Variants in EDA observed in about 807,000 individuals in gnomAD.
EDA encodes the protein ectodysplasin A.
EDA carries 2 observed loss-of-function variants against 23.6 expected under a neutral mutation model. The observed-to-expected ratio is 0.08, with a 90% CI of 0.03 to 0.27. EDA has a LOEUF of 0.27. Among genes scored for constraint, EDA ranks in the 10% least tolerant of loss-of-function variants. EDA has a pLI of 1.00. For synonymous variants in EDA, 131 were observed against 132.0 expected (o/e 0.99, Z 0.05); for missense variants, 229 against 324.2 (o/e 0.71, Z 2.26).
At chrX:69,630,790 T>A (rs1220766813) in intron 1 of EDA, among the ~76,000 whole-genome samples, 1 of 111,998 alleles carries the variant, frequency 8.9e-6, no homozygotes, top group Non-Finnish European at 1.9e-5. Context: ...TTTTTTCAAA[T>A]CGTGCTTTTA....
intron 1 of EDA, among the ~76,000 whole-genome samples, chrX:69,625,819 G>A (rs1282010783): frequency 6.5e-5 from 7 of 107,098 alleles, no homozygotes; most frequent in African/African-American, 1.0e-4. Flanking sequence ...GAAATGAACC[G>A]TTTTGGAAAG....
chrX:69,755,858 C>T (rs1332992740), intron 1 of EDA, among the ~76,000 whole-genome samples: 4 of 112,689 alleles, frequency 3.5e-5, no homozygotes, highest in Admixed American at 1.9e-4. Flanking sequence ...TGGGACCCTC[C>T]GAGCCAGGCA....
At chrX:69,791,156 G>T (rs2015395016) in intron 1 of EDA, among the ~76,000 whole-genome samples, 1 of 111,544 alleles carries the variant, frequency 9.0e-6, no homozygotes, top group Admixed American at 9.5e-5. Context: ...TCAATTCATG[G>T]TCATTTTTTA....
At chrX:69,642,536 C>A (rs1391986516) in intron 1 of EDA, among the ~76,000 whole-genome samples, 2 of 110,593 alleles carry the variant, frequency 1.8e-5, no homozygotes, top group Non-Finnish European at 3.8e-5. Context: ...ATAAAAATGA[C>A]AAAACATTTA....
intron 1 of EDA, among the ~76,000 whole-genome samples, chrX:69,880,388 A>G (rs952172616): frequency 2.7e-5 from 3 of 112,264 alleles, no homozygotes; most frequent in Non-Finnish European, 5.6e-5. Context: ...AGAGAAGGAC[A>G]TGCTTAACAA....
At chrX:70,031,450 A>G in intron 6 of EDA, among the ~76,000 whole-genome samples, 1 of 111,968 alleles carries the variant, frequency 8.9e-6, no homozygotes, top group Non-Finnish European at 1.9e-5. Flanking sequence ...GAGTGCACAA[A>G]GCCTAAAATG....
At chrX:70,020,751 C>T (rs748996718) in intron 2 of EDA, among the ~76,000 whole-genome samples, 9 of 111,421 alleles carry the variant, frequency 8.1e-5, no homozygotes, top group South Asian at 3.7e-4. Flanking sequence ...GATGATTAAA[C>T]GCTGATGCAT....
At chrX:70,034,998 A>C (rs1171814659) in intron 7 of EDA, among the ~76,000 whole-genome samples, 1 of 105,386 alleles carries the variant, frequency 9.5e-6, no homozygotes. Context: ...CACTGTGTAC[A>C]CACCTGCTAC....
chrX:69,769,922 A>T (rs1417589042), intron 1 of EDA, among the ~76,000 whole-genome samples: 1 of 110,999 alleles, frequency 9.0e-6, no homozygotes, highest in Non-Finnish European at 1.9e-5. Flanking sequence ...TGGGATTGAA[A>T]GTGTGGGATT....
intron 1 of EDA, chrX:69,620,818 T>C: frequency 2.7e-6 from 1 of 372,802 alleles, no homozygotes; most frequent in Non-Finnish European, 5.3e-6. Context: ...TGTACTCAAA[T>C]ACTTGTTGAG....
intron 1 of EDA, among the ~76,000 whole-genome samples, chrX:69,670,745 A>G (rs191213891): frequency 2.2e-3 from 242 of 110,000 alleles, no homozygotes; most frequent in African/African-American, 7.6e-3. Context: ...TTTCAGCTCC[A>G]GGATTTATTT....
At chrX:69,669,411 G>C (rs1248475858) in intron 1 of EDA, among the ~76,000 whole-genome samples, 1 of 110,746 alleles carries the variant, frequency 9.0e-6, no homozygotes, top group Non-Finnish European at 1.9e-5. Context: ...TGAACTTTGA[G>C]TCCTCTCTGT....
chrX:69,888,235 T>A (rs765219064), intron 1 of EDA, among the ~76,000 whole-genome samples: 3 of 111,084 alleles, frequency 2.7e-5, no homozygotes, highest in Non-Finnish European at 5.7e-5. Context: ...TAACCTTCTG[T>A]AAATATAAGA....
At chrX:69,789,143 G>T (rs2147467281) in intron 1 of EDA, among the ~76,000 whole-genome samples, 1 of 112,168 alleles carries the variant, frequency 8.9e-6, no homozygotes, top group East Asian at 2.8e-4. Flanking sequence ...GCCTCGCCCT[G>T]CTTGGGCTCA....
chrX:69,967,741 G>A (rs1480120278), intron 2 of EDA, among the ~76,000 whole-genome samples: 4 of 111,885 alleles, frequency 3.6e-5, no homozygotes, highest in Non-Finnish European at 7.5e-5. Context: ...GACTTTCTCC[G>A]CTCTGCTTTC....
At chrX:69,799,247 T>G (rs973714017) in intron 1 of EDA, among the ~76,000 whole-genome samples, 3 of 111,135 alleles carry the variant, frequency 2.7e-5, no homozygotes, top group Non-Finnish European at 5.7e-5. Flanking sequence ...AAGAAAACAT[T>G]GGGGAAACTC....
chrX:69,663,810 C>T (rs1170325956), intron 1 of EDA, among the ~76,000 whole-genome samples: 5 of 112,581 alleles, frequency 4.4e-5, no homozygotes, highest in Non-Finnish European at 7.5e-5. Context: ...CATGGGAGCC[C>T]ACCTCTTGCA....
At chrX:69,637,251 CTG>C (rs758297648) in intron 1 of EDA, among the ~76,000 whole-genome samples, 66 of 111,310 alleles carry the variant, frequency 5.9e-4, no homozygotes, top group African/African-American at 2.1e-3. Flanking sequence ...ATATATAGAT[CTG>C]TGTTTTCTCA....
intron 1 of EDA, among the ~76,000 whole-genome samples, chrX:69,783,014 A>C (rs1320291142): frequency 1.8e-5 from 2 of 111,901 alleles, no homozygotes; most frequent in Non-Finnish European, 3.8e-5. Context: ...ATTTTTCAGA[A>C]TGTGAGTCTT....
Sources: gnomAD v4.1 joint callset for allele counts (sites outside exome capture counted in the v4.1 genomes callset) on GRCh38, gnomAD v4.1.1 for gene constraint, MANE v1.5 for transcripts, NCBI Gene and HGNC (gene_info 2026-07-23, HGNC 2026-07-21) for gene names.